The following ZFAND4 variants were observed in gnomAD, a reference collection of about 807,000 sequenced individuals.
ZFAND4 encodes the protein AN1-type zinc finger protein 4.
Under a neutral mutation model 64.4 loss-of-function variants are expected in ZFAND4, and 43 were observed. The observed-to-expected ratio is 0.67, with a 90% confidence interval of 0.52 to 0.86. The LOEUF is 0.86. Ranked by LOEUF, ZFAND4 falls within the 40% of genes least tolerant of loss-of-function variation. ZFAND4 has a pLI of 0.00. For missense variants in ZFAND4, 929 were observed against 859.8 expected (o/e 1.08, Z -1.01); for synonymous variants, 296 against 305.7 (o/e 0.97, Z 0.33).
intron 8 of ZFAND4, among the ~76,000 whole-genome samples, chr10:45,622,668 T>C (rs1055622836): frequency 6.6e-6 from 1 of 152,212 alleles, no homozygotes; most frequent in African/African-American, 2.4e-5. Flanking sequence ...GGTTGGCTTG[T>C]GAAAAGTTGT....
chr10:45,627,898 C>T (rs1189362556), intron 6 of ZFAND4, among the ~76,000 whole-genome samples: 2 of 152,214 alleles, frequency 1.3e-5, no homozygotes, highest in African/African-American at 2.4e-5. Flanking sequence ...TTCCTCCAGA[C>T]GTGGCTCTAT....
rs779546066 is a variant in ZFAND4 at position 45,616,535 on chromosome 10, T to G, written c.2085A>C (p.Ala695=). Residue 695 remains alanine (A), a synonymous_variant, in exon 10 of 10, where the codon GCA becomes GCC. Coordinates refer to ENST00000344646, the MANE Select transcript of ZFAND4 (RefSeq NM_174890.4). ...GNNFCASHRY[A]ETHGCTYDYK... The stretch of plus-strand genomic sequence containing the variant: ...AATCATAGGTACAGCCATGAGTTTC[T>G]GCATAACGATGAGATGCACAGAAGT... The G allele has an allele frequency of 1.2e-6, 2 of 1,614,058 alleles. No homozygotes were observed. Among genetic ancestry groups the G allele is most frequent in the African/African-American group, 2.7e-5 (2 of 74,930 alleles).
chr10:45,642,301 T>C lies in ZFAND4; in HGVS notation c.570-2338A>G, dbSNP rs183421827. 3.1e-3 allele frequency among the ~76,000 whole-genome samples: 446 copies of C among 145,924 alleles called. 1 individual carries two copies. The highest frequency in any genetic ancestry group is 0.01 in the African/African-American group (372 of 36,648). The stretch of plus-strand genomic sequence containing the variant: ...ATATACACACACATACATACACACA[T>C]ATATATATATATAAAAGAACAATCA... On this transcript the variant is annotated intron_variant, in intron 5 of 9. Coordinates refer to ENST00000344646, the MANE Select transcript of ZFAND4 (RefSeq NM_174890.4).
intron 6 of ZFAND4, among the ~76,000 whole-genome samples, chr10:45,632,457 A>G (rs2046291018): frequency 6.6e-6 from 1 of 152,174 alleles, no homozygotes. Flanking sequence ...TGTTTTCTTT[A>G]AAAAAGTAGA....
In ZFAND4 at chr10:45,626,388, C is replaced by G. The variant is rs759858616; in HGVS notation, c.1435G>C (p.Ala479Pro). 114 of 1,613,972 alleles carry G rather than the reference C, an allele frequency of 7.1e-5. No individual in the cohort carries two copies. Among genetic ancestry groups the G allele is most frequent in the Non-Finnish European group, 9.2e-5 (108 of 1,180,048 alleles). The change falls in exon 7 of 10, where the codon GCA (alanine) becomes CCA (proline). Residue 479 changes from alanine to proline, a missense_variant. Transcript: ENST00000344646. ...AGAGAATTATGTAGCGACATTGGTG[C>G]AGAACAGCGAAGAGGTGACAAGAGT... is the stretch of plus-strand genomic sequence containing the variant. Reference protein sequence around the residue: ...NRLLSPLRCSAPMSLHNSLVK... With the variant: ...NRLLSPLRCSPPMSLHNSLVK...
chr10:45,630,922 T>C (rs896795742), intron 6 of ZFAND4, among the ~76,000 whole-genome samples: 11 of 145,158 alleles, frequency 7.6e-5, no homozygotes, highest in Non-Finnish European at 1.2e-4. Context: ...GCTCAGGCTA[T>C]GGCACTCCAG....
rs1316549715 is a variant in ZFAND4 at position 45,626,364 on chromosome 10, G to A, written c.1459C>T (p.Leu487=). The part of the protein sequence containing the change: ...CSAPMSLHNS[L]VKPERQSKCF... ...TTGGACTGTCTCTCTGGTTTCACCA[G>A]AGAATTATGTAGCGACATTGGTGCA... The change falls in exon 7 of 10, where the codon CTG becomes TTG. Residue 487 remains leucine (L), a synonymous_variant. Transcript: ENST00000344646. 2 of 1,614,106 alleles carry A rather than the reference G, an allele frequency of 1.2e-6. No individual in the cohort carries two copies. The highest frequency in any genetic ancestry group is 1.3e-5 in the African/African-American group (1 of 74,944).
At chr10:45,657,711 G>GT (rs1272344735) in intron 2 of ZFAND4, among the ~76,000 whole-genome samples, 8 of 152,016 alleles carry the variant, frequency 5.3e-5, no homozygotes, top group Non-Finnish European at 1.2e-4. Context: ...TTGGGAATGA[G>GT]TAACTATGGT....
At chr10:45,661,439 C>G (rs2048464936) in intron 2 of ZFAND4, among the ~76,000 whole-genome samples, 1 of 152,104 alleles carries the variant, frequency 6.6e-6, no homozygotes, top group Non-Finnish European at 1.5e-5. Context: ...CTCTCCCCAC[C>G]AGGCTCTAGT....
intron 5 of ZFAND4, among the ~76,000 whole-genome samples, chr10:45,640,605 C>A (rs1056120942): frequency 6.6e-6 from 1 of 152,114 alleles, no homozygotes; most frequent in African/African-American, 2.4e-5. Context: ...ATTCTCCTGC[C>A]TCAGCCTCCC....
At chr10:45,662,337 G>A (rs1380200386) in intron 2 of ZFAND4, among the ~76,000 whole-genome samples, 3 of 152,162 alleles carry the variant, frequency 2.0e-5, no homozygotes, top group Non-Finnish European at 4.4e-5. Context: ...CCTTGGATGA[G>A]TTATTAATCT....
At chr10:45,651,343 A>C (rs1299030217) in intron 4 of ZFAND4, 1 of 285,910 alleles carries the variant, frequency 3.5e-6, no homozygotes, top group Non-Finnish European at 7.1e-6. Flanking sequence ...ACTTACAACC[A>C]TTAGGAGTTA....
At chr10:45,628,023 G>A (rs1467074775) in intron 6 of ZFAND4, among the ~76,000 whole-genome samples, 1 of 152,176 alleles carries the variant, frequency 6.6e-6, no homozygotes, top group Non-Finnish European at 1.5e-5. Flanking sequence ...CACACCTGGG[G>A]TGGTCTTGGT....
At chr10:45,648,178 G>A (rs1476256886) in intron 5 of ZFAND4, 116 bp downstream of exon 5, 21 of 1,034,274 alleles carry the variant, frequency 2.0e-5, no homozygotes, top group East Asian at 1.7e-4. Flanking sequence ...TCAATTATAC[G>A]AAGGACAATT....
chr10:45,653,085 G>A, intron 2 of ZFAND4, 26 bp from the exon 3 acceptor site: 1 of 1,538,834 alleles, frequency 6.5e-7, no homozygotes, highest in Non-Finnish European at 8.9e-7. Flanking sequence ...TTAAAAAAAA[G>A]TGTTAAAGAA....
chr10:45,616,327 T>C lies in ZFAND4; in HGVS notation c.*109A>G. ...TCCAACAGTATGCATTGTATGCTTT[T>C]GTTATTTGGCAAATCTTTTAGAGTC... On this transcript the variant is annotated 3_prime_UTR_variant, in exon 10 of 10. Coordinates refer to ENST00000344646, the MANE Select transcript of ZFAND4 (RefSeq NM_174890.4). 1 of 1,424,238 alleles carries C rather than the reference T, an allele frequency of 7.0e-7. No homozygotes were observed. The highest frequency in any genetic ancestry group is 1.4e-5 in the South Asian group (1 of 72,240). The allele number at this position is 1,424,238 out of a possible 1,614,324, so 88.2% of individuals were successfully genotyped here. A position where few individuals can be genotyped will look rare whatever the true frequency, so the allele number is the denominator to read the frequency against.
At position 45,652,015 on chromosome 10, in the gene ZFAND4, G is replaced by A; in HGVS notation, c.279C>T (p.Thr93=). ...CACGCATAGCCAAAACTAGCTTCAA[G>A]GTACACCCTTCTGAAATGCTGTGGA... ...LNDYNISEGC[T]LKLVLAMRGG... Residue 93 remains threonine (T), a synonymous_variant, in exon 4 of 10, where the codon ACC becomes ACT. Coordinates refer to ENST00000344646, the MANE Select transcript of ZFAND4 (RefSeq NM_174890.4). 1 of 1,613,628 alleles carries A rather than the reference G, an allele frequency of 6.2e-7. No homozygotes were observed. The highest frequency in any genetic ancestry group is 8.5e-7 in the Non-Finnish European group (1 of 1,179,732).
chr10:45,656,670 C>T (rs148375385), intron 2 of ZFAND4, among the ~76,000 whole-genome samples: 7 of 151,944 alleles, frequency 4.6e-5, no homozygotes, highest in Non-Finnish European at 8.8e-5. Context: ...ATGCAACAGA[C>T]TGAATGTTTG....
chr10:45,638,205 C>T (rs1023165829), intron 6 of ZFAND4, among the ~76,000 whole-genome samples: 29 of 150,046 alleles, frequency 1.9e-4, no homozygotes, highest in Admixed American at 1.7e-3. Flanking sequence ...CAAAATTGGC[C>T]GGGCGCGGTG....
Sources: gnomAD v4.1 joint callset for allele counts (sites outside exome capture counted in the v4.1 genomes callset) on GRCh38, gnomAD v4.1.1 for gene constraint, MANE v1.5 for transcripts, NCBI Gene and HGNC (gene_info 2026-07-23, HGNC 2026-07-21) for gene names.